Variants in NEB observed in about 807,000 individuals in gnomAD.
NEB encodes nemaline myopathy type 2.
In NEB, 512 loss-of-function variants were observed where a neutral mutation model predicts 952.2. That is an observed-to-expected ratio of 0.54 (90% confidence interval 0.50 to 0.58). NEB has a LOEUF of 0.58. NEB is among the 20% of genes least tolerant of loss of function. The probability of loss-of-function intolerance (pLI) is 0.00; values close to 1 mark genes in which losing one functional copy is unlikely to be tolerated. For missense variants in NEB, 8,428 were observed against 9,231.1 expected, an observed-to-expected ratio of 0.91 and a Z score of 3.56; for synonymous variants, 2,900 against 3,149.8, an observed-to-expected ratio of 0.92 and a Z score of 2.66.
chr2:151,632,601 G>A (rs916601659), intron 65 of NEB, among the ~76,000 whole-genome samples: 7 of 151,242 alleles, frequency 4.6e-5, no homozygotes, highest in African/African-American at 1.5e-4. Context: ...ACTTGAACCC[G>A]GGAGGCGAAG....
intron 131 of NEB, among the ~76,000 whole-genome samples, chr2:151,548,074 C>A (rs2094928208): frequency 6.6e-6 from 1 of 152,106 alleles, no homozygotes; most frequent in African/African-American, 2.4e-5. Context: ...GAAATTATTT[C>A]TTTAGAAAAG....
intron 124 of NEB, among the ~76,000 whole-genome samples, chr2:151,556,418 C>T (rs1423508188): frequency 6.6e-6 from 1 of 152,118 alleles, no homozygotes; most frequent in Non-Finnish European, 1.5e-5. Context: ...ATAAATTTCC[C>T]ACTGTGAGTC....
At position 151,554,917 on chromosome 2, in the gene NEB, A is replaced by T. The variant is rs377239300; in HGVS notation, c.19428+14T>A. ...ATGTATCCTAGTCATTAAGGGGCGC[A>T]TGACCGTACTTACATCGATGTTAAG... On this transcript the variant is annotated intron_variant, in intron 125 of 181. Coordinates refer to ENST00000397345, the MANE Select transcript of NEB (RefSeq NM_001164508.2). 18 of 1,566,956 alleles carry T rather than the reference A, an allele frequency of 1.1e-5. No homozygotes were observed. Among genetic ancestry groups the T allele is most frequent in the South Asian group, 6.7e-5 (6 of 90,122 alleles).
chr2:151,506,892 A>G lies in NEB; in HGVS notation c.23556+17T>C. 6.5e-7 allele frequency: 1 copy of G among 1,529,600 alleles called. No individual in the cohort carries two copies. Among genetic ancestry groups the G allele is most frequent in the Non-Finnish European group, 9.0e-7 (1 of 1,105,486 alleles). The allele number at this position is 1,529,600 out of a possible 1,614,324, so 94.8% of individuals were successfully genotyped here. On this transcript the variant is annotated intron_variant, in intron 163 of 181. Coordinates refer to ENST00000397345, the MANE Select transcript of NEB (RefSeq NM_001164508.2). ...TGACTAGGTTAGCATTAAATGCAAA[A>G]TAAATAGTAAATATACCGAGCTGAA... is the stretch of plus-strand genomic sequence containing the variant.
Position 151,679,785 on chromosome 2 carries a change from T to C in NEB, c.3191A>G (p.Tyr1064Cys), listed in dbSNP as rs187343008. Residue 1064 changes from tyrosine (Y) to cysteine (C), a missense_variant, in exon 32 of 182, where the codon TAT becomes TGT. Physicochemically the swap from Tyr to Cys is radical, Grantham distance 194. Around this residue, in one of 11 missense-constraint regions of NEB, gnomAD observed 2,851 missense variants for 2,791.5 expected, o/e 1.02. Transcript: ENST00000397345. The part of the protein sequence containing the change: ...ADLKDLSKKG[Y>C]DLRTDAIPIR... ...GGGAATCGCATCAGTTCTCAGGTCA[T>C]ATCCCTTCTTGCTCAAGTCTTTCAA... 13,640 of 1,612,676 alleles carry C rather than the reference T, an allele frequency of 8.5e-3. 76 individuals are homozygous for C. The highest frequency in any genetic ancestry group is 0.01 in the Non-Finnish European group (12,104 of 1,179,164).
intron 128 of NEB, 93 bp downstream of exon 128, chr2:151,552,579 T>A: frequency 2.5e-6 from 2 of 799,150 alleles, no homozygotes; most frequent in South Asian, 3.5e-5. Flanking sequence ...TAGAAAAGAC[T>A]TGGCACTGCC....
chr2:151,519,828 G>A, intron 153 of NEB, 60 bp from the exon 154 acceptor site: 1 of 1,129,230 alleles, frequency 8.9e-7, no homozygotes, highest in Non-Finnish European at 1.3e-6. Context: ...GGGAATTGGG[G>A]AATAGTAGAA....
At chr2:151,543,653 T>C (rs2094369639) in intron 135 of NEB, among the ~76,000 whole-genome samples, 1 of 152,188 alleles carries the variant, frequency 6.6e-6, no homozygotes, top group African/African-American at 2.4e-5. Context: ...TTAAATTTTA[T>C]TTATGTATTG....
chr2:151,568,543 G>A (rs2096512826), intron 111 of NEB, 75 bp downstream of exon 111: 2 of 1,430,500 alleles, frequency 1.4e-6, no homozygotes, highest in Non-Finnish European at 2.0e-6. Context: ...ATTGCATTCT[G>A]AGTGTAAGTA....
At chr2:151,560,116 T>A (rs1384806147) in intron 124 of NEB, among the ~76,000 whole-genome samples, 3 of 152,184 alleles carry the variant, frequency 2.0e-5, no homozygotes, top group Non-Finnish European at 2.9e-5. Context: ...CTAAGAAAAG[T>A]TCTACCTAAA....
At position 151,651,273 on chromosome 2, in the gene NEB, A is replaced by C. The variant is rs539704700; in HGVS notation, c.6916-388T>G. Among the ~76,000 whole-genome samples, 10 of 152,360 alleles carry C rather than the reference A, an allele frequency of 6.6e-5. No homozygotes were observed. The South Asian group carries it at 1.9e-3, about 28-fold the overall frequency. The stretch of plus-strand genomic sequence containing the variant: ...AGAAATTAATTCTAACTAGATGCAG[A>C]AATATATGTTTGGTTGTGCTAGATA... On this transcript the variant is annotated intron_variant, in intron 52 of 181. Transcript: ENST00000397345.
At chr2:151,498,439 A>T (rs2061831913) in intron 169 of NEB, 87 bp from the exon 170 acceptor site, 2 of 886,834 alleles carry the variant, frequency 2.3e-6, no homozygotes, top group Non-Finnish European at 3.5e-6. Context: ...GTGGGAAGGG[A>T]GGAAGAGAGT....
At chr2:151,713,202 T>A (rs2099749937) in intron 10 of NEB, among the ~76,000 whole-genome samples, 1 of 152,166 alleles carries the variant, frequency 6.6e-6, no homozygotes, top group Non-Finnish European at 1.5e-5. Flanking sequence ...ACTTTCAACA[T>A]CTGAATCTGT....
chr2:151,664,926 G>A, intron 42 of NEB, 63 bp from the exon 43 acceptor site: 3 of 1,197,710 alleles, frequency 2.5e-6, no homozygotes, highest in East Asian at 2.4e-5. Context: ...ATGCTAGCAA[G>A]AGGAAGAGAT....
At chr2:151,609,708 T>C in intron 81 of NEB, 101 bp downstream of exon 81, 1 of 1,133,964 alleles carries the variant, frequency 8.8e-7, no homozygotes. Flanking sequence ...CCCAGGTTTG[T>C]GCAGTGCACA....
At chr2:151,634,832 C>G (rs1297402332) in intron 64 of NEB, among the ~76,000 whole-genome samples, 1 of 152,004 alleles carries the variant, frequency 6.6e-6, no homozygotes, top group Non-Finnish European at 1.5e-5. Context: ...ACATAGCAAC[C>G]CAACTGGTTA....
rs1461898233 is a variant in NEB, at chr2:151,709,712, G to T, written c.979C>A (p.Gln327Lys). 2 of 1,606,102 alleles carry T rather than the reference G, an allele frequency of 1.2e-6. No individual in the cohort carries two copies. Among genetic ancestry groups the T allele is most frequent in the Non-Finnish European group, 1.7e-6 (2 of 1,175,796 alleles). ...ENMKDQIYFM[Q>K]TETPEYKMNK... Reference sequence around the variant, plus strand: ...ATTTTATACTCTGGTGTTTCGGTCTGCATGAAGTAGATCTGGTCTTTCATG... The same window carrying T: ...ATTTTATACTCTGGTGTTTCGGTCTTCATGAAGTAGATCTGGTCTTTCATG... The change falls in exon 12 of 182, where the codon CAG (glutamine) becomes AAG (lysine). Residue 327 changes from glutamine (Q) to lysine (K), a missense_variant. This residue lies in a region of NEB where 2,851 missense variants were observed against 2,791.5 expected (regional missense o/e 1.02). Coordinates refer to ENST00000397345, the MANE Select transcript of NEB (RefSeq NM_001164508.2).
Position 151,490,495 on chromosome 2 carries a change from C to A in NEB, c.25174G>T (p.Glu8392Ter), listed in dbSNP as rs121913662. 6.2e-7 allele frequency: 1 copy of A among 1,609,340 alleles called. No individual in the cohort carries two copies. Among genetic ancestry groups the A allele is most frequent in the South Asian group, 1.1e-5 (1 of 89,678 alleles). Reference protein sequence around the residue: ...INVQAQRRSREQSRSASALSI... With the variant: ...INVQAQRRSR ...AGTGCACTGGCAGATCGTGACTGCT[C>A]CCGGCTCCGGCGCTGAGCTTGGACT... Residue 8392 changes from glutamate (E) to a stop codon, truncating the protein, a stop_gained, in exon 180 of 182, where the codon GAG (glutamate) becomes TAG (stop). Coordinates refer to ENST00000397345, the MANE Select transcript of NEB (RefSeq NM_001164508.2). LOFTEE classifies it high-confidence loss of function.
At chr2:151,676,982 C>T (rs943150274) in intron 34 of NEB, among the ~76,000 whole-genome samples, 4 of 152,196 alleles carry the variant, frequency 2.6e-5, no homozygotes, top group African/African-American at 7.2e-5. Context: ...GTATACCAAA[C>T]TTTCCTTTAG....
Sources: allele counts gnomAD v4.1 joint callset (sites outside exome capture counted in the v4.1 genomes callset), GRCh38; gene constraint gnomAD v4.1.1; regional missense constraint gnomAD v4.1.1; transcripts MANE v1.5; gene names NCBI Gene and HGNC (gene_info 2026-07-23, HGNC 2026-07-21).